The following NDUFAF6 variants were observed in gnomAD, a reference collection of about 807,000 sequenced individuals.
NDUFAF6 encodes NADH:ubiquinone oxidoreductase complex assembly factor 6, also known as NADH dehydrogenase (ubiquinone) complex I, assembly factor 6.
A neutral mutation model predicts 40.8 loss-of-function variants in NDUFAF6; 45 were observed. That is an observed-to-expected ratio of 1.10 (90% CI 0.87 to 1.42). The LOEUF is 1.42. Among genes scored for constraint, NDUFAF6 ranks in the 40% most tolerant of loss-of-function variants. The probability of loss-of-function intolerance (pLI) is 0.00; values close to 1 mark genes in which losing one functional copy is unlikely to be tolerated. For missense variants in NDUFAF6, 435 were observed against 418.5 expected (o/e 1.04, Z -0.34); for synonymous variants, 185 against 155.9 (o/e 1.19, Z -1.39).
chr8:94,945,951 C>T (rs1821947586), intron 2 of NDUFAF6, among the ~76,000 whole-genome samples: 1 of 152,176 alleles, frequency 6.6e-6, no homozygotes, highest in Admixed American at 6.5e-5. Flanking sequence ...CTGCTTGGCT[C>T]AAAAGACCTC....
At chr8:95,039,778 C>A (rs1420257119) in intron 3 of NDUFAF6, among the ~76,000 whole-genome samples, 1 of 151,610 alleles carries the variant, frequency 6.6e-6, no homozygotes, top group African/African-American at 2.4e-5. Flanking sequence ...CACGTACCAG[C>A]AAGCTCAGCT....
exon 5 of NDUFAF6, chr8:95,115,623 C>G (rs1193713970): frequency 1.3e-5 from 2 of 151,986 alleles, no homozygotes; most frequent in African/African-American, 4.8e-5. Flanking sequence ...TCCATTCAAA[C>G]GACTGCATCA....
chr8:94,982,974 G>A (rs891217839), intron 2 of NDUFAF6, among the ~76,000 whole-genome samples: 4 of 152,220 alleles, frequency 2.6e-5, no homozygotes, highest in African/African-American at 9.6e-5. Flanking sequence ...GTAGTCCTGG[G>A]TTTGTACAGC....
intron 8 of NDUFAF6, among the ~76,000 whole-genome samples, chr8:95,053,925 C>CTTTTTTT (rs71273448): frequency 2.4e-4 from 9 of 37,040 alleles, no homozygotes; most frequent in African/African-American, 6.5e-4. Flanking sequence ...CCGTGCCCGG[C>CTTTTTTT]TTTTTTTTTT....
In NDUFAF6 at chr8:94,972,735, T is replaced by TAAAAAAAAA. The variant is rs558408157; in HGVS notation, c.-198-8119_-198-8111dup. Reference sequence around the variant, plus strand: ...GCAAGACCCTGTCTCTACTGAAACTTAAAAAAAAAAAAAGATCATCCAGGC... The same window carrying TAAAAAAAAA: ...GCAAGACCCTGTCTCTACTGAAACTTAAAAAAAAAAAAAAAAAAAAAAGATCATCCAGGC... On this transcript the variant is annotated intron_variant, in intron 1 of 9. Coordinates refer to the NDUFAF6 transcript ENST00000396111. Among the ~76,000 whole-genome samples, 117 of 132,738 alleles carry TAAAAAAAAA rather than the reference T, an allele frequency of 8.8e-4. 5 individuals are homozygous for TAAAAAAAAA. Among genetic ancestry groups the TAAAAAAAAA allele is most frequent in the Middle Eastern group, 7.8e-3 (2 of 256 alleles). The allele number at this position is 132,738 out of a possible 152,430, so 87.1% of individuals were successfully genotyped here.
chr8:95,105,854 T>C (rs2132081272), downstream of NDUFAF6, among the ~76,000 whole-genome samples: 1 of 152,278 alleles, frequency 6.6e-6, no homozygotes, highest in African/African-American at 2.4e-5. Context: ...CAGGCTGGTC[T>C]TGAACTGCTG....
intron 2 of NDUFAF6, among the ~76,000 whole-genome samples, chr8:95,086,746 C>T (rs557327505): frequency 6.6e-6 from 1 of 151,722 alleles, no homozygotes; most frequent in East Asian, 1.9e-4. Flanking sequence ...GGACCACAGG[C>T]GCCCCCCACC....
chr8:94,980,213 T>TTA lies in NDUFAF6; in HGVS notation c.-198-632_-198-631dup, dbSNP rs144744124. On this transcript the variant is annotated intron_variant, in intron 1 of 9. Transcript: ENST00000396111. ...GTCTTTTGTTCTTTATGCATTTTTA[T>TTA]TATATATATATATATTTTAAAAGAG... Among the ~76,000 whole-genome samples, 1,349 of 149,194 alleles carry TTA rather than the reference T, an allele frequency of 9.0e-3. 6 individuals are homozygous for TTA. Among genetic ancestry groups the TTA allele is most frequent in the Admixed American group, 0.014 (205 of 14,938 alleles).
intron 4 of NDUFAF6, among the ~76,000 whole-genome samples, chr8:95,108,998 C>T (rs1809919852): frequency 6.6e-6 from 1 of 152,028 alleles, no homozygotes; most frequent in African/African-American, 2.4e-5. Context: ...AAGTGGAATA[C>T]AGGTATTCAT....
upstream of NDUFAF6, among the ~76,000 whole-genome samples, chr8:94,953,995 A>G (rs192399415): frequency 1.0e-3 from 152 of 152,196 alleles, no homozygotes; most frequent in African/African-American, 3.6e-3. Context: ...TTCCTGCTTT[A>G]TTCCTCTTTG....
At chr8:95,036,576 A>G in intron 3 of NDUFAF6, 1 of 1,115,964 alleles carries the variant, frequency 9.0e-7, no homozygotes, top group Non-Finnish European at 1.2e-6. Flanking sequence ...AAGTTTTCCT[A>G]AAATCCAGAA....
chr8:94,938,721 A>T (rs1271958441), intron 1 of NDUFAF6, among the ~76,000 whole-genome samples: 2 of 152,238 alleles, frequency 1.3e-5, no homozygotes, highest in Non-Finnish European at 2.9e-5. Context: ...GGTGGGGTGC[A>T]CAGAGGGCAT....
Position 95,053,631 on chromosome 8 carries a change from C to CT in NDUFAF6, c.873+1412dup, listed in dbSNP as rs756938359. On this transcript the variant is annotated intron_variant, in intron 8 of 8. Transcript: ENST00000396124. Reference sequence around the variant, plus strand: ...GTTTTACTTTTCTTTCTTTTTCTTTCTTTTTTTTTTTGGAGGCAGATTCTC... The same window carrying CT: ...GTTTTACTTTTCTTTCTTTTTCTTTCTTTTTTTTTTTTGGAGGCAGATTCTC... Among the ~76,000 whole-genome samples, 364 of 144,528 alleles carry CT rather than the reference C, an allele frequency of 2.5e-3. 1 individual carries two copies. Among genetic ancestry groups the CT allele is most frequent in the African/African-American group, 5.6e-3 (217 of 38,668 alleles). The allele number at this position is 144,528 out of a possible 152,430, so 94.8% of individuals were successfully genotyped here. A position where few individuals can be genotyped will look rare whatever the true frequency, so the allele number is the denominator to read the frequency against.
intron 1 of NDUFAF6, among the ~76,000 whole-genome samples, chr8:94,967,572 G>A (rs957125818): frequency 2.0e-5 from 3 of 152,010 alleles, no homozygotes; most frequent in East Asian, 3.9e-4. Context: ...TACAGTTTCT[G>A]TGAGTCAGGA....
chr8:94,899,640 C>T (rs1190314024), intron 1 of NDUFAF6, among the ~76,000 whole-genome samples: 1 of 152,220 alleles, frequency 6.6e-6, no homozygotes, highest in East Asian at 1.9e-4. Context: ...GTGCTGCCTC[C>T]ATTTATCACC....
At chr8:94,951,493 G>C (rs1822614225) in intron 2 of NDUFAF6, 1 of 152,288 alleles carries the variant, frequency 6.6e-6, no homozygotes, top group Non-Finnish European at 1.5e-5. Flanking sequence ...CTACCAAATA[G>C]TGTTTGTGAT....
chr8:95,012,538 A>G (rs1021636141), intron 2 of NDUFAF6, among the ~76,000 whole-genome samples: 1 of 152,194 alleles, frequency 6.6e-6, no homozygotes, highest in Admixed American at 6.5e-5. Context: ...GGCTGGTTAC[A>G]GTGGCTCATG....
In NDUFAF6 at chr8:95,041,614, C is replaced by T. The variant is rs1375246983; in HGVS notation, c.465C>T (p.Ile155=). The change falls in exon 4 of 9, where the codon ATC becomes ATT. Residue 155 remains isoleucine (I), a synonymous_variant. Coordinates refer to ENST00000396124, the MANE Select transcript of NDUFAF6 (RefSeq NM_152416.4). ...TGACTAAAAGATGGCTTATGAAAATCGTCGATGAAAGAGTGAGTCAAAATT... is the reference window on the plus strand; with the variant it reads ...TGACTAAAAGATGGCTTATGAAAATTGTCGATGAAAGAGTGAGTCAAAATT... ...HNLTKRWLMK[I]VDEREKNLDD... The T allele has an allele frequency of 1.8e-5, 29 of 1,611,846 alleles. No homozygotes were observed. Among genetic ancestry groups the T allele is most frequent in the African/African-American group, 5.3e-5 (4 of 74,830 alleles).
chr8:95,086,932 G>A (rs1222724308), intron 2 of NDUFAF6, among the ~76,000 whole-genome samples: 3 of 152,106 alleles, frequency 2.0e-5, no homozygotes, highest in Admixed American at 2.0e-4. Context: ...CCTTCTCCCT[G>A]TGTGATCAGG....
Sources: allele counts gnomAD v4.1 joint callset (sites outside exome capture counted in the v4.1 genomes callset), GRCh38; gene constraint gnomAD v4.1.1; transcripts MANE v1.5; gene names NCBI Gene and HGNC (gene_info 2026-07-23, HGNC 2026-07-21).